Variants in CLEC4M observed in about 807,000 individuals in gnomAD.
The protein encoded by CLEC4M is C-type lectin domain family 4 member M.
CLEC4M carries 25 observed loss-of-function variants against 39.1 expected under a neutral mutation model. The observed-to-expected ratio is 0.64, with a 90% CI of 0.47 to 0.89. The LOEUF (loss-of-function observed/expected upper bound fraction) is 0.89, where lower values mean the gene tolerates loss of function less well. Among genes scored for constraint, CLEC4M ranks in the 40% least tolerant of loss-of-function variants. The pLI is 0.00. For synonymous variants in CLEC4M, 155 were observed against 177.4 expected, an observed-to-expected ratio of 0.87 and a Z score of 1.00; for missense variants, 353 against 431.4, an observed-to-expected ratio of 0.82 and a Z score of 1.61.
At chr19:7,764,106 G>A (rs1194207374) in intron 2 of CLEC4M, among the ~76,000 whole-genome samples, 1 of 151,846 alleles carries the variant, frequency 6.6e-6, no homozygotes, top group Admixed American at 6.6e-5. Context: ...GGTTGAGGAG[G>A]ATTTATTATT....
At position 7,768,996 on chromosome 19, in the gene CLEC4M, C is replaced by A; in HGVS notation, c.*8C>A. The A allele has an allele frequency of 6.2e-7, 1 of 1,613,212 alleles. No homozygotes were observed. The highest frequency in any genetic ancestry group is 8.5e-7 in the Non-Finnish European group (1 of 1,179,384). ...TGCTTCAGAGACGAATAGTTGTTTCCCTGCTAGCCTCAGCCTCCATTGTGG... is the reference window on the plus strand; with the variant it reads ...TGCTTCAGAGACGAATAGTTGTTTCACTGCTAGCCTCAGCCTCCATTGTGG... On this transcript the variant is annotated 3_prime_UTR_variant, in exon 7 of 7. Transcript: ENST00000327325.
At chr19:7,768,692 C>T (rs1405236995) in intron 6 of CLEC4M, 146 bp from the exon 7 acceptor site, 1 of 849,038 alleles carries the variant, frequency 1.2e-6, no homozygotes, top group African/African-American at 1.7e-5. Context: ...GGCAACATGA[C>T]TCGGGCATAT....
At position 7,765,675 on chromosome 19, in the gene CLEC4M, C is replaced by G; in HGVS notation, c.252C>G (p.Ser84=). 6.2e-7 allele frequency: 1 copy of G among 1,614,240 alleles called. No individual in the cohort carries two copies. The highest frequency in any genetic ancestry group is 8.5e-7 in the Non-Finnish European group (1 of 1,180,048). The stretch of plus-strand genomic sequence containing the variant: ...CCAGCTCCCTAAGTCAGGAACAATC[C>G]GAGCAAGACGCAATCTACCAGAACC... ...KVPSSLSQEQ[S]EQDAIYQNLT... Residue 84 remains serine, a synonymous_variant, in exon 4 of 7, where the codon TCC becomes TCG. Coordinates refer to ENST00000327325, the MANE Select transcript of CLEC4M (RefSeq NM_014257.5).
At chr19:7,765,045 C>T (rs1295883867) in intron 2 of CLEC4M, 140 bp from the exon 3 acceptor site, 9 of 821,268 alleles carry the variant, frequency 1.1e-5, no homozygotes, top group Admixed American at 4.4e-5. Flanking sequence ...AGAGCTAGGG[C>T]CTGGATTCCC....
intron 2 of CLEC4M, among the ~76,000 whole-genome samples, chr19:7,763,983 G>A (rs2146345436): frequency 6.6e-6 from 1 of 152,120 alleles, no homozygotes; most frequent in South Asian, 2.1e-4. Flanking sequence ...TAGGACCTGG[G>A]GAGGTGGGAG....
intron 4 of CLEC4M, 172 bp downstream of exon 4, chr19:7,766,379 A>G: frequency 6.8e-7 from 1 of 1,468,978 alleles, no homozygotes. Flanking sequence ...CACACAGTAG[A>G]CACTCAGTTC....
chr19:7,765,540 A>T, intron 3 of CLEC4M, 98 bp from the exon 4 acceptor site: 2 of 1,551,816 alleles, frequency 1.3e-6, no homozygotes, highest in Non-Finnish European at 1.7e-6. Context: ...ATTAACTGAG[A>T]CCTTGGCTCT....
intron 2 of CLEC4M, among the ~76,000 whole-genome samples, chr19:7,764,424 G>T (rs968254654): frequency 2.0e-5 from 3 of 152,072 alleles, no homozygotes; most frequent in Admixed American, 1.3e-4. Flanking sequence ...AGGCTCACTA[G>T]CCACACACAG....
In CLEC4M at chr19:7,763,380, T is replaced by G; in HGVS notation, c.47-13T>G. 1 of 1,613,652 alleles carries G rather than the reference T, an allele frequency of 6.2e-7. No homozygotes were observed. Among genetic ancestry groups the G allele is most frequent in the East Asian group, 2.2e-5 (1 of 44,880 alleles). On this transcript the variant is annotated splice_polypyrimidine_tract_variant and intron_variant, in intron 1 of 6. Coordinates refer to ENST00000327325, the MANE Select transcript of CLEC4M (RefSeq NM_014257.5). ...GGATGGCCCAGGCTCTGAGCTGATG[T>G]CTGTCAATTCAGAAGAAGATCCAAC...
intron 3 of CLEC4M, 114 bp downstream of exon 3, chr19:7,765,382 C>T: frequency 7.8e-7 from 1 of 1,277,068 alleles, no homozygotes. Context: ...AAGATGTTGT[C>T]CCTGGGGGTC....
intron 2 of CLEC4M, 73 bp downstream of exon 2, chr19:7,763,549 T>A: frequency 7.6e-7 from 1 of 1,314,164 alleles, no homozygotes; most frequent in East Asian, 2.4e-5. Context: ...GAGGTAGGTG[T>A]TGGGGTCTGG....
intron 2 of CLEC4M, 84 bp from the exon 3 acceptor site, chr19:7,765,101 G>C (rs1052270344): frequency 5.5e-6 from 8 of 1,460,030 alleles, no homozygotes; most frequent in Non-Finnish European, 7.7e-6. Context: ...CTGGGTCCTG[G>C]GGTGCTGAGG....
In CLEC4M at chr19:7,766,730, C is replaced by G. The variant is rs567294021; in HGVS notation, c.859C>G (p.Arg287Gly). 5 of 1,614,094 alleles carry G rather than the reference C, an allele frequency of 3.1e-6. No homozygotes were observed. Among genetic ancestry groups the G allele is most frequent in the Middle Eastern group, 1.6e-4 (1 of 6,084 alleles). Reference sequence around the variant, plus strand: ...CTGTTACTTCATGTCTAACTCCCAGCGGAACTGGCACGACTCCGTCACCGC... The same window carrying G: ...CTGTTACTTCATGTCTAACTCCCAGGGGAACTGGCACGACTCCGTCACCGC... ...GNCYFMSNSQ[R>G]NWHDSVTACQ... The change falls in exon 5 of 7, where the codon CGG becomes GGG. Residue 287 changes from arginine (R) to glycine (G), a missense_variant. Coordinates refer to ENST00000327325, the MANE Select transcript of CLEC4M (RefSeq NM_014257.5).
In CLEC4M at chr19:7,769,582, A is replaced by G. The variant is rs1279888230; in HGVS notation, c.*594A>G. On this transcript the variant is annotated 3_prime_UTR_variant, in exon 7 of 7. Transcript: ENST00000327325. ...GTTTCTGAGTTGTAGCCTTTATAAT[A>G]AAGTGGTAAATGTTGTAACTGCAGA... 1 of 152,394 alleles carries G rather than the reference A, an allele frequency of 6.6e-6. No homozygotes were observed. Among genetic ancestry groups the G allele is most frequent in the South Asian group, 2.1e-4 (1 of 4,834 alleles). The allele number at this position is 152,394 out of a possible 1,614,324, so 9.4% of individuals were successfully genotyped here.
At chr19:7,767,405 T>A (rs1291954587) in intron 5 of CLEC4M, 111 bp from the exon 6 acceptor site, 1 of 757,530 alleles carries the variant, frequency 1.3e-6, no homozygotes, top group Non-Finnish European at 2.2e-6. Context: ...ACCTGCTATA[T>A]CAGAAAACTG....
rs749624448 is a variant in CLEC4M at position 7,765,336 on chromosome 19, G to A, written c.214+68G>A. ...CTTTTGGCTATGAACAGAGCCTGGA[G>A]TGGCCAGGTCTGGGAGGGAGGTGGG... On this transcript the variant is annotated intron_variant, in intron 3 of 6. Coordinates refer to ENST00000327325, the MANE Select transcript of CLEC4M (RefSeq NM_014257.5). 5.1e-6 allele frequency: 8 copies of A among 1,563,826 alleles called. No individual in the cohort carries two copies. The South Asian group carries it at 5.6e-5, about 11-fold the overall frequency.
At chr19:7,767,653 T>C (rs749065936) in intron 6 of CLEC4M, 25 bp downstream of exon 6, 3 of 1,598,762 alleles carry the variant, frequency 1.9e-6, no homozygotes, top group Non-Finnish European at 2.6e-6. Flanking sequence ...AAAGGGACAC[T>C]GTATCCAGTC....
intron 4 of CLEC4M, 155 bp from the exon 5 acceptor site, chr19:7,766,501 A>G: frequency 1.3e-6 from 2 of 1,488,654 alleles, no homozygotes; most frequent in Non-Finnish European, 1.8e-6. Context: ...AGTCTTGGGA[A>G]GTAGGGAGAG....
At position 7,769,076 on chromosome 19, in the gene CLEC4M, C is replaced by T; in HGVS notation, c.*88C>T. ...AGCGCTTCTTCTCTCCATCCTTGGA[C>T]CTTCACAAATGCCCTGAGACGGTTC... On this transcript the variant is annotated 3_prime_UTR_variant, in exon 7 of 7. Coordinates refer to ENST00000327325, the MANE Select transcript of CLEC4M (RefSeq NM_014257.5). The T allele has an allele frequency of 7.2e-7, 1 of 1,379,636 alleles. No individual in the cohort carries two copies. The highest frequency in any genetic ancestry group is 2.3e-5 in the East Asian group (1 of 43,110). The allele number at this position is 1,379,636 out of a possible 1,614,324, so 85.5% of individuals were successfully genotyped here. A position where few individuals can be genotyped will look rare whatever the true frequency, so the allele number is the denominator to read the frequency against.
Sources: allele counts gnomAD v4.1 joint callset (sites outside exome capture counted in the v4.1 genomes callset), GRCh38; gene constraint gnomAD v4.1.1; transcripts MANE v1.5; gene names NCBI Gene and HGNC (gene_info 2026-07-23, HGNC 2026-07-21).